Variants in ERICH1 observed in about 807,000 individuals in gnomAD.
ERICH1 encodes the protein glutamate rich 1.
ERICH1 carries 56 observed loss-of-function variants against 39.6 expected under a neutral mutation model. The ratio of observed to expected loss-of-function variants is 1.41; its 90% CI spans 1.14 to 1.77. The LOEUF (loss-of-function observed/expected upper bound fraction) is 1.77, where lower values mean the gene tolerates loss of function less well. Among genes scored for constraint, ERICH1 ranks in the 40% most tolerant of loss-of-function variants. The pLI, the probability that ERICH1 is intolerant of heterozygous loss-of-function variation, is 0.00. For synonymous variants in ERICH1, 313 were observed against 223.6 expected (o/e 1.40, Z -3.57); for missense variants, 826 against 575.4 (o/e 1.44, Z -4.45).
In ERICH1 at chr8:678,315, G is replaced by A. The variant is rs537503011; in HGVS notation, c.305-4268C>T. Among the ~76,000 whole-genome samples, 10 of 152,232 alleles carry A rather than the reference G, an allele frequency of 6.6e-5. No individual in the cohort carries two copies. In the South Asian group the frequency reaches 1.9e-3, roughly 28 times the overall value. ...CCAGCATCGGGAACACGGAAGTGCC[G>A]ATACGTCTTGTTGGTGTTAAGAAGG... On this transcript the variant is annotated intron_variant, in intron 3 of 5. Transcript: ENST00000262109.
intron 2 of ERICH1, among the ~76,000 whole-genome samples, chr8:696,884 G>C (rs1274749950): frequency 1.6e-5 from 2 of 122,198 alleles, no homozygotes; most frequent in Non-Finnish European, 3.4e-5. Context: ...GCCTGTGCGC[G>C]CTCCTCACAC....
intron 3 of ERICH1, among the ~76,000 whole-genome samples, chr8:653,646 C>G (rs971762380): frequency 1.3e-5 from 2 of 152,174 alleles, no homozygotes; most frequent in Admixed American, 6.5e-5. Context: ...AAATTTAATT[C>G]AGTTGAAGTG....
rs967259442 is a variant in ERICH1 at position 721,545 on chromosome 8, T to C, written c.23-5538A>G. On this transcript the variant is annotated intron_variant, in intron 1 of 5. Coordinates refer to ENST00000262109, the MANE Select transcript of ERICH1 (RefSeq NM_207332.3). ...GCCTTTACCACCAGTGCTCACACTG[T>C]TTATTTACACAGAAATAATCAGCTG... is the stretch of plus-strand genomic sequence containing the variant. Among the ~76,000 whole-genome samples the C allele has an allele frequency of 6.6e-5, 10 of 152,350 alleles. No homozygotes were observed. In the East Asian group the frequency reaches 1.7e-3, roughly 26 times the overall value.
chr8:689,758 T>C (rs1808484161), intron 3 of ERICH1, among the ~76,000 whole-genome samples: 1 of 152,152 alleles, frequency 6.6e-6, no homozygotes, highest in African/African-American at 2.4e-5. Context: ...TCCAGAGTCC[T>C]GTAATGCGGT....
intron 4 of ERICH1, among the ~76,000 whole-genome samples, chr8:671,428 G>A (rs1453847930): frequency 2.2e-5 from 3 of 137,128 alleles, no homozygotes; most frequent in African/African-American, 8.3e-5. Context: ...TGAACCTGCC[G>A]GCCCCGGCTC....
At chr8:621,648 A>G (rs1451212712) in intron 3 of ERICH1, among the ~76,000 whole-genome samples, 1 of 152,146 alleles carries the variant, frequency 6.6e-6, no homozygotes, top group African/African-American at 2.4e-5. Flanking sequence ...GAAATCAACA[A>G]GACCAATGGT....
intron 3 of ERICH1, among the ~76,000 whole-genome samples, chr8:629,020 G>C (rs193037558): frequency 5.4e-4 from 82 of 152,278 alleles, no homozygotes; most frequent in Admixed American, 4.0e-3. Context: ...GTTCAGAAGG[G>C]CTCTCGGGGC....
rs749891420 is a variant in ERICH1, at chr8:673,968, A to G, written c.384T>C (p.Asn128=). The change falls in exon 4 of 6, where the codon AAT becomes AAC. Residue 128 remains asparagine (N), a synonymous_variant. Coordinates refer to ENST00000262109, the MANE Select transcript of ERICH1 (RefSeq NM_207332.3). ...KSKKKFKNPN[N]VLIEQAELEK... Reference sequence around the variant, plus strand: ...CTAATTCTGCTTGTTCTATAAGAACATTATTGGGATTTTTAAATTTTTTCT... The same window carrying G: ...CTAATTCTGCTTGTTCTATAAGAACGTTATTGGGATTTTTAAATTTTTTCT... 2 of 1,592,588 alleles carry G rather than the reference A, an allele frequency of 1.3e-6. No individual in the cohort carries two copies. Among genetic ancestry groups the G allele is most frequent in the Middle Eastern group, 1.7e-4 (1 of 5,932 alleles).
chr8:685,133 C>G (rs1298442826), intron 3 of ERICH1, among the ~76,000 whole-genome samples: 1 of 152,164 alleles, frequency 6.6e-6, no homozygotes, highest in Admixed American at 6.5e-5. Context: ...AGGCAGACAC[C>G]CCCAGAGCGG....
At chr8:674,147 A>G (rs1804116972) in intron 3 of ERICH1, 100 bp from the exon 4 acceptor site, 2 of 1,351,450 alleles carry the variant, frequency 1.5e-6, no homozygotes, top group Non-Finnish European at 2.0e-6. Flanking sequence ...TAGTTTTAGT[A>G]GAAAAAGAGT....
At chr8:684,079 T>C (rs918004605) in intron 3 of ERICH1, among the ~76,000 whole-genome samples, 1 of 152,256 alleles carries the variant, frequency 6.6e-6, no homozygotes, top group Non-Finnish European at 1.5e-5. Context: ...AACAGCTTGA[T>C]AGATACTTTT....
exon 4 of ERICH1, chr8:614,904 A>T: frequency 4.0e-6 from 1 of 248,630 alleles, no homozygotes; most frequent in Non-Finnish European, 7.6e-6. Flanking sequence ...CCTCAGTTGC[A>T]TGACACCAAG....
Position 664,267 on chromosome 8 carries a change from A to T in ERICH1, c.*336T>A. ...AGCAGAGACTTTCAGATACAAGGTGATTCAAAACTTCATAAAAATATATGA... is the reference window on the plus strand; with the variant it reads ...AGCAGAGACTTTCAGATACAAGGTGTTTCAAAACTTCATAAAAATATATGA... On this transcript the variant is annotated 3_prime_UTR_variant, in exon 6 of 6. Coordinates refer to ENST00000262109, the MANE Select transcript of ERICH1 (RefSeq NM_207332.3). 9.9e-7 allele frequency: 1 copy of T among 1,011,182 alleles called. No homozygotes were observed. The highest frequency in any genetic ancestry group is 1.2e-6 in the Non-Finnish European group (1 of 847,084). 62.6% of individuals were successfully genotyped at this position (1,011,182 alleles called of 1,614,324 possible).
intron 4 of ERICH1, among the ~76,000 whole-genome samples, chr8:670,468 C>T (rs1433946619): frequency 6.6e-6 from 1 of 152,164 alleles, no homozygotes. Flanking sequence ...TTTGCTCCGC[C>T]AGGCAGACCG....
chr8:673,622 G>A lies in ERICH1; in HGVS notation c.730C>T (p.Arg244Trp), dbSNP rs769709532. 1.9e-5 allele frequency: 29 copies of A among 1,549,160 alleles called. No individual in the cohort carries two copies. In the African/African-American group the frequency reaches 2.5e-4, roughly 13 times the overall value. Residue 244 changes from arginine (R) to tryptophan (W), a missense_variant, in exon 4 of 6, where the codon CGG becomes TGG. Transcript: ENST00000262109. ...GADASEEDLT[R>W]ARQEEGADAS... ...TCCGCACCCTCTTCCTGCCTGGCCC[G>A]TGTCAGGTCTTCCTCGCTAGCGTCC...
At chr8:729,323 A>G (rs1819493922) in intron 1 of ERICH1, among the ~76,000 whole-genome samples, 1 of 152,124 alleles carries the variant, frequency 6.6e-6, no homozygotes, top group South Asian at 2.1e-4. Flanking sequence ...CAACCACCCC[A>G]TGACCCTGAG....
chr8:700,828 T>G (rs1008131958), intron 2 of ERICH1, among the ~76,000 whole-genome samples: 1 of 152,256 alleles, frequency 6.6e-6, no homozygotes, highest in African/African-American at 2.4e-5. Context: ...TATCAGAGGC[T>G]TCCAGATGGC....
At chr8:619,081 C>T (rs1245155520) in intron 3 of ERICH1, among the ~76,000 whole-genome samples, 2 of 152,080 alleles carry the variant, frequency 1.3e-5, no homozygotes, top group South Asian at 2.1e-4. Context: ...CCCTCCAAGC[C>T]CATCGAGAAA....
intron 3 of ERICH1, among the ~76,000 whole-genome samples, chr8:621,820 A>G (rs750965462): frequency 1.3e-4 from 20 of 152,246 alleles, no homozygotes; most frequent in Admixed American, 1.3e-4. Flanking sequence ...ATCAACAATT[A>G]TGAGCCAACA....
Sources: gnomAD v4.1 joint callset for allele counts (sites outside exome capture counted in the v4.1 genomes callset) on GRCh38, gnomAD v4.1.1 for gene constraint, MANE v1.5 for transcripts, NCBI Gene and HGNC (gene_info 2026-07-23, HGNC 2026-07-21) for gene names.